The following CSMD1 variants were observed in gnomAD, a reference collection of about 807,000 sequenced individuals.
The protein encoded by CSMD1 is CUB and Sushi multiple domains 1.
CSMD1 carries 213 observed loss-of-function variants against 417.5 expected under a neutral mutation model. That is an observed-to-expected ratio of 0.51 (90% CI 0.46 to 0.57). The LOEUF (loss-of-function observed/expected upper bound fraction) is 0.57, where lower values mean the gene tolerates loss of function less well. Among genes scored for constraint, CSMD1 ranks in the 20% least tolerant of loss-of-function variants. CSMD1 has a pLI of 0.00. For synonymous variants in CSMD1, 2,862 were observed against 1,736.8 expected (o/e 1.65, Z -16.11); for missense variants, 6,923 against 4,529.7 (o/e 1.53, Z -15.17).
At chr8:4,135,735 C>A (rs1338229190) in intron 3 of CSMD1, among the ~76,000 whole-genome samples, 1 of 152,040 alleles carries the variant, frequency 6.6e-6, no homozygotes, top group Non-Finnish European at 1.5e-5. Flanking sequence ...ACCAATTTAT[C>A]ATTTAAAGAA....
intron 11 of CSMD1, among the ~76,000 whole-genome samples, chr8:3,485,723 G>T (rs1563083163): frequency 6.6e-6 from 1 of 150,616 alleles, no homozygotes; most frequent in African/African-American, 2.4e-5. Context: ...TTGTGCCACT[G>T]CACTACAGCC....
At chr8:4,290,887 T>C (rs1585169268) in intron 3 of CSMD1, among the ~76,000 whole-genome samples, 1 of 152,212 alleles carries the variant, frequency 6.6e-6, no homozygotes, top group South Asian at 2.1e-4. Context: ...CTTTACAATG[T>C]CAGCTCTCTG....
At chr8:3,623,000 G>A (rs1796329862) in intron 7 of CSMD1, among the ~76,000 whole-genome samples, 1 of 152,096 alleles carries the variant, frequency 6.6e-6, no homozygotes, top group Non-Finnish European at 1.5e-5. Context: ...GACATAGATA[G>A]TAATAAATAT....
At chr8:4,357,425 TAA>T (rs532233542) in intron 3 of CSMD1, among the ~76,000 whole-genome samples, 255 of 152,278 alleles carry the variant, frequency 1.7e-3, no homozygotes, top group African/African-American at 5.9e-3. Flanking sequence ...CCAGAAATAT[TAA>T]GAGTTTATAT....
In CSMD1 at chr8:4,425,534, T is replaced by C. The variant is rs985399466; in HGVS notation, c.303-5469A>G. On this transcript the variant is annotated intron_variant, in intron 2 of 69. Coordinates refer to ENST00000635120, the MANE Select transcript of CSMD1 (RefSeq NM_033225.6). Reference sequence around the variant, plus strand: ...CACTGGCTGCGAGTAAGGAATCTTATAAGGAGCTGGCAAGACTCACTCCTT... The same window carrying C: ...CACTGGCTGCGAGTAAGGAATCTTACAAGGAGCTGGCAAGACTCACTCCTT... Among the ~76,000 whole-genome samples the C allele has an allele frequency of 5.3e-5, 8 of 152,226 alleles. No individual in the cohort carries two copies. The East Asian group carries it at 9.7e-4, about 18-fold the overall frequency.
At chr8:4,947,968 G>T (rs997232764) in intron 1 of CSMD1, among the ~76,000 whole-genome samples, 23 of 151,830 alleles carry the variant, frequency 1.5e-4, no homozygotes, top group Admixed American at 3.3e-4. Context: ...CTTTTTTTAA[G>T]ATATCCATAA....
intron 1 of CSMD1, among the ~76,000 whole-genome samples, chr8:4,744,833 G>C (rs1225475787): frequency 6.6e-6 from 1 of 152,050 alleles, no homozygotes; most frequent in Non-Finnish European, 1.5e-5. Context: ...CCATAAGAAA[G>C]TATGTTTTTC....
rs1460276536 is a variant in CSMD1, at chr8:4,430,560, C to T, written c.303-10495G>A. On this transcript the variant is annotated intron_variant, in intron 2 of 69. Transcript: ENST00000635120. Reference sequence around the variant, plus strand: ...ACACTACTCTCTAATAAAAGTTACTCTGGGGAAGAAAATAAATTTTCCCCA... The same window carrying T: ...ACACTACTCTCTAATAAAAGTTACTTTGGGGAAGAAAATAAATTTTCCCCA... Among the ~76,000 whole-genome samples, 10 of 152,244 alleles carry T rather than the reference C, an allele frequency of 6.6e-5. No homozygotes were observed. In the East Asian group the frequency reaches 1.7e-3, roughly 26 times the overall value.
intron 25 of CSMD1, among the ~76,000 whole-genome samples, chr8:3,290,997 C>T (rs1292290203): frequency 2.0e-5 from 3 of 152,212 alleles, no homozygotes; most frequent in African/African-American, 4.8e-5. Flanking sequence ...GAGATACGTC[C>T]CATCAACACC....
At chr8:4,987,185 C>T (rs1361814420) in intron 1 of CSMD1, among the ~76,000 whole-genome samples, 1 of 152,124 alleles carries the variant, frequency 6.6e-6, no homozygotes. Flanking sequence ...AGATTTCTAC[C>T]TCCATCCAAA....
intron 10 of CSMD1, among the ~76,000 whole-genome samples, chr8:3,570,684 G>A (rs1428227080): frequency 1.3e-5 from 2 of 152,048 alleles, no homozygotes; most frequent in South Asian, 2.1e-4. Flanking sequence ...CCAAACTTTC[G>A]GTTTTTAGTT....
chr8:4,506,299 A>T (rs1802522608), intron 2 of CSMD1, among the ~76,000 whole-genome samples: 1 of 152,164 alleles, frequency 6.6e-6, no homozygotes, highest in African/African-American at 2.4e-5. Context: ...CGGTGATGAA[A>T]AAGGAAGAGT....
At chr8:4,577,614 G>GT (rs1221833042) in intron 2 of CSMD1, among the ~76,000 whole-genome samples, 1 of 152,084 alleles carries the variant, frequency 6.6e-6, no homozygotes, top group Non-Finnish European at 1.5e-5. Context: ...TCTTCACCAG[G>GT]TAAGTCTTAC....
intron 3 of CSMD1, among the ~76,000 whole-genome samples, chr8:4,087,769 A>G (rs1480410069): frequency 6.6e-6 from 1 of 151,532 alleles, no homozygotes; most frequent in Admixed American, 6.6e-5. Flanking sequence ...TTCTTTCTAT[A>G]TTTTCTCTTT....
At chr8:4,943,265 G>C (rs35674782) in intron 1 of CSMD1, among the ~76,000 whole-genome samples, 46,239 of 151,932 alleles carry the variant, frequency 0.3, 7,989 homozygotes, top group Non-Finnish European at 0.4. Flanking sequence ...GGCGGCCCAG[G>C]CGGGCAGATC....
At chr8:3,364,771 C>T (rs547492529) in intron 20 of CSMD1, among the ~76,000 whole-genome samples, 6 of 152,328 alleles carry the variant, frequency 3.9e-5, no homozygotes, top group South Asian at 2.1e-4. Flanking sequence ...GCACCTTGAT[C>T]TTGGACTTCC....
chr8:4,759,508 C>G (rs150486868), intron 1 of CSMD1, among the ~76,000 whole-genome samples: 1,741 of 152,248 alleles, frequency 0.011, 35 homozygotes, highest in African/African-American at 0.04. Context: ...CAACCCATCA[C>G]CTAGGTATTA....
intron 6 of CSMD1, among the ~76,000 whole-genome samples, chr8:3,745,144 C>G (rs1365475495): frequency 2.0e-5 from 3 of 152,194 alleles, no homozygotes; most frequent in Admixed American, 2.0e-4. Context: ...ACTTTCAAAA[C>G]AAATTTCAAA....
chr8:2,951,402 G>C (rs1585042002), intron 65 of CSMD1, 127 bp from the exon 66 acceptor site: 3 of 948,618 alleles, frequency 3.2e-6, no homozygotes, highest in South Asian at 1.9e-5. Context: ...ATGAAGACAA[G>C]AGGAGCCTAG....
Sources: allele counts gnomAD v4.1 joint callset (sites outside exome capture counted in the v4.1 genomes callset), GRCh38; gene constraint gnomAD v4.1.1; transcripts MANE v1.5; gene names NCBI Gene and HGNC (gene_info 2026-07-23, HGNC 2026-07-21).